DPP10: variants seen among roughly 807,000 people sequenced by gnomAD.
The protein encoded by DPP10 is inactive dipeptidyl peptidase 10.
In DPP10, 33 loss-of-function variants were observed where a neutral mutation model predicts 120.9. The ratio of observed to expected loss-of-function variants is 0.27; its 90% CI spans 0.21 to 0.37. The LOEUF (loss-of-function observed/expected upper bound fraction) is 0.37. DPP10 is among the 10% of genes least tolerant of loss of function. The pLI is 1.00. For synonymous variants in DPP10, 337 were observed against 326.1 expected, an observed-to-expected ratio of 1.03 and a Z score of -0.36; for missense variants, 816 against 942.8, an observed-to-expected ratio of 0.87 and a Z score of 1.76.
chr2:115,012,467 G>T (rs984472480), intron 1 of DPP10, among the ~76,000 whole-genome samples: 3 of 152,194 alleles, frequency 2.0e-5, no homozygotes, highest in African/African-American at 4.8e-5. Flanking sequence ...GCAGGCGTTG[G>T]TATCCACAGC....
intron 1 of DPP10, among the ~76,000 whole-genome samples, chr2:114,488,026 C>G (rs1195784433): frequency 1.3e-5 from 2 of 152,188 alleles, no homozygotes; most frequent in Non-Finnish European, 2.9e-5. Context: ...CCAATAAAGT[C>G]TTCATCTGCT....
At chr2:115,563,253 A>G (rs1237171259) in intron 5 of DPP10, among the ~76,000 whole-genome samples, 1 of 152,170 alleles carries the variant, frequency 6.6e-6, no homozygotes, top group East Asian at 1.9e-4. Context: ...AGTCGTCCTC[A>G]ATATGTATTT....
Position 115,459,938 on chromosome 2 carries a change from T to TATATATATATATATACACACACAC in DPP10, c.272-39571_272-39570insTATATATATATATACACACACACA, listed in dbSNP as rs66927327. On this transcript the variant is annotated intron_variant, in intron 3 of 25. Coordinates refer to ENST00000410059, the MANE Select transcript of DPP10 (RefSeq NM_020868.6). The stretch of plus-strand genomic sequence containing the variant: ...AAAACATATATTTTATATATATATA[T>TATATATATATATATACACACACAC]ACACACACACACCTTTGTTTGCATT... Among the ~76,000 whole-genome samples, 253 of 128,524 alleles carry TATATATATATATATACACACACAC rather than the reference T, an allele frequency of 2.0e-3. 6 individuals carry two copies. The South Asian group carries it at 0.038, about 20-fold the overall frequency. The allele number at this position is 128,524 out of a possible 152,430, so 84.3% of individuals were successfully genotyped here.
intron 1 of DPP10, among the ~76,000 whole-genome samples, chr2:114,757,942 G>A (rs1054829078): frequency 6.6e-6 from 1 of 152,120 alleles, no homozygotes; most frequent in African/African-American, 2.4e-5. Flanking sequence ...GTCCTGTGGA[G>A]TCTGTCTCCA....
intron 1 of DPP10, among the ~76,000 whole-genome samples, chr2:114,655,637 A>T (rs1011312054): frequency 2.6e-5 from 4 of 152,104 alleles, no homozygotes; most frequent in African/African-American, 9.7e-5. Context: ...GGTCCATTTT[A>T]TTCTCAAATG....
chr2:115,269,155 A>G (rs2059587453), intron 1 of DPP10, among the ~76,000 whole-genome samples: 1 of 152,188 alleles, frequency 6.6e-6, no homozygotes, highest in African/African-American at 2.4e-5. Context: ...TCAAAGAAAA[A>G]AAGAAAAGAA....
At chr2:114,842,698 T>C (rs181394622) in intron 1 of DPP10, among the ~76,000 whole-genome samples, 1 of 152,296 alleles carries the variant, frequency 6.6e-6, no homozygotes, top group East Asian at 1.9e-4. Flanking sequence ...TTATCATGTA[T>C]TTTATTCACT....
chr2:115,779,448 C>G (rs1414098408), intron 15 of DPP10, among the ~76,000 whole-genome samples: 1 of 152,040 alleles, frequency 6.6e-6, no homozygotes, highest in Non-Finnish European at 1.5e-5. Context: ...CTAGGCACCC[C>G]TGCAGGAGTA....
intron 1 of DPP10, among the ~76,000 whole-genome samples, chr2:114,713,439 C>G (rs1339565539): frequency 6.6e-6 from 1 of 152,150 alleles, no homozygotes; most frequent in Non-Finnish European, 1.5e-5. Flanking sequence ...TCAATGTCAA[C>G]TTAGCTAAAG....
At chr2:114,927,950 TG>T (rs1240370188) in intron 1 of DPP10, among the ~76,000 whole-genome samples, 1 of 151,988 alleles carries the variant, frequency 6.6e-6, no homozygotes, top group Middle Eastern at 3.2e-3. Context: ...AACCAACTCT[TG>T]TGGGAACTAA....
At chr2:115,678,312 G>A (rs6719060) in intron 5 of DPP10, among the ~76,000 whole-genome samples, 98,568 of 152,180 alleles carry the variant, frequency 0.65, 33,656 homozygotes, top group East Asian at 0.91. Flanking sequence ...GCCAGGCCCG[G>A]GGCCCCCCTG....
At chr2:115,530,591 G>A (rs984221491) in intron 5 of DPP10, among the ~76,000 whole-genome samples, 14 of 151,918 alleles carry the variant, frequency 9.2e-5, no homozygotes, top group Admixed American at 3.3e-4. Flanking sequence ...CTGAGGAGGA[G>A]AATCACTTGA....
At chr2:115,809,892 G>A (rs115196722) in intron 19 of DPP10, among the ~76,000 whole-genome samples, 2,790 of 152,214 alleles carry the variant, frequency 0.018, 86 homozygotes, top group African/African-American at 0.062. Context: ...AATGGGGTGC[G>A]GTGGCTCACG....
At chr2:114,512,616 C>T (rs1338558297) in intron 1 of DPP10, among the ~76,000 whole-genome samples, 1 of 152,240 alleles carries the variant, frequency 6.6e-6, no homozygotes, top group Admixed American at 6.5e-5. Context: ...TTTCCCTCTC[C>T]TGGCACAATG....
chr2:114,605,535 A>G (rs944726522), intron 1 of DPP10, among the ~76,000 whole-genome samples: 1 of 152,152 alleles, frequency 6.6e-6, no homozygotes, highest in Non-Finnish European at 1.5e-5. Context: ...ACGCACAAAT[A>G]TATGTCAATA....
intron 1 of DPP10, among the ~76,000 whole-genome samples, chr2:114,696,821 T>A (rs941682725): frequency 2.0e-5 from 3 of 151,578 alleles, no homozygotes; most frequent in African/African-American, 7.3e-5. Flanking sequence ...AAAAGCACCA[T>A]GGTATCATGG....
chr2:114,786,167 G>A (rs1336229860), intron 1 of DPP10, among the ~76,000 whole-genome samples: 1 of 152,152 alleles, frequency 6.6e-6, no homozygotes, highest in African/African-American at 2.4e-5. Context: ...CTGTGTATTA[G>A]GGAAGAAATC....
chr2:115,030,163 C>G (rs1703740809), intron 1 of DPP10, among the ~76,000 whole-genome samples: 1 of 151,798 alleles, frequency 6.6e-6, no homozygotes, highest in East Asian at 2.0e-4. Context: ...AAACTTGAGC[C>G]TCAACTAATT....
intron 5 of DPP10, among the ~76,000 whole-genome samples, chr2:115,629,766 C>A (rs1304103915): frequency 6.6e-6 from 1 of 152,128 alleles, no homozygotes; most frequent in African/African-American, 2.4e-5. Flanking sequence ...GTCTATATAT[C>A]CGTTTTGGTA....
Sources: allele counts gnomAD v4.1 joint callset (sites outside exome capture counted in the v4.1 genomes callset), GRCh38; gene constraint gnomAD v4.1.1; transcripts MANE v1.5; gene names NCBI Gene and HGNC (gene_info 2026-07-23, HGNC 2026-07-21).